The following IRF2BP2 variants were observed in gnomAD, a reference collection of about 807,000 sequenced individuals.
The protein encoded by IRF2BP2 is interferon regulatory factor 2 binding protein 2.
Under a neutral mutation model 32.7 loss-of-function variants are expected in IRF2BP2, and 13 were observed. The ratio of observed to expected loss-of-function variants is 0.40; its 90% CI spans 0.26 to 0.63. The LOEUF (loss-of-function observed/expected upper bound fraction) is 0.63, where lower values mean the gene tolerates loss of function less well. IRF2BP2 is among the 30% of genes least tolerant of loss of function. The pLI, the probability that IRF2BP2 is intolerant of heterozygous loss-of-function variation, is 0.42. For synonymous variants in IRF2BP2, 555 were observed against 384.6 expected (o/e 1.44, Z -5.18); for missense variants, 980 against 830.6 (o/e 1.18, Z -2.21).
In IRF2BP2 at chr1:234,608,504, G is replaced by A. The variant is rs8722; in HGVS notation, c.991C>T (p.Leu331=). Reference sequence around the variant, plus strand: ...AAACCCAACAACCTGCCTGCAGTCAGGGCCGGCTCCTTCTTAAACTTGCTC... The same window carrying A: ...AAACCCAACAACCTGCCTGCAGTCAAGGCCGGCTCCTTCTTAAACTTGCTC... ...FESKFKKEPA[L]TAGRLLGFEA... The change falls in exon 1 of 2, where the codon CTG becomes TTG. Residue 331 remains leucine (L), a synonymous_variant. Coordinates refer to ENST00000366609, the MANE Select transcript of IRF2BP2 (RefSeq NM_182972.3). 0.21 allele frequency: 340,548 copies of A among 1,608,560 alleles called. 38,839 individuals are homozygous for A. Among genetic ancestry groups the A allele is most frequent in the Non-Finnish European group, 0.23 (273,374 of 1,177,664 alleles).
Position 234,607,862 on chromosome 1 carries a change from C to T in IRF2BP2, c.1049-10G>A, listed in dbSNP as rs758647578. 3 of 1,539,470 alleles carry T rather than the reference C, an allele frequency of 1.9e-6. No individual in the cohort carries two copies. Among genetic ancestry groups the T allele is most frequent in the Admixed American group, 4.2e-5 (2 of 47,772 alleles). On this transcript the variant is annotated splice_polypyrimidine_tract_variant and intron_variant, in intron 1 of 1. Coordinates refer to ENST00000366609, the MANE Select transcript of IRF2BP2 (RefSeq NM_182972.3). Reference sequence around the variant, plus strand: ...CTTGCTGTTCTTGCAACTGGAAACACAAAGAAATAAAAGGAAAAAGGTAAC... The same window carrying T: ...CTTGCTGTTCTTGCAACTGGAAACATAAAGAAATAAAAGGAAAAAGGTAAC...
chr1:234,607,047 G>C lies in IRF2BP2; in HGVS notation c.*90C>G, dbSNP rs1442553526. The C allele has an allele frequency of 2.1e-6, 2 of 940,768 alleles. No individual in the cohort carries two copies. The highest frequency in any genetic ancestry group is 1.7e-5 in the African/African-American group (1 of 60,512). 58.3% of individuals were successfully genotyped at this position (940,768 alleles called of 1,614,324 possible). A position where few individuals can be genotyped will look rare whatever the true frequency, so the allele number is the denominator to read the frequency against. On this transcript the variant is annotated 3_prime_UTR_variant, in exon 2 of 2. Coordinates refer to ENST00000366609, the MANE Select transcript of IRF2BP2 (RefSeq NM_182972.3). ...TGTTTATGAAGTCTACATTTCCCTT[G>C]TCTTGGATATATATATATATGGAGA...
Position 234,609,420 on chromosome 1 carries a change from G to A in IRF2BP2, c.75C>T (p.Pro25=), listed in dbSNP as rs76362154. Residue 25 remains proline, a synonymous_variant, in exon 1 of 2, where the codon CCC becomes CCT. Transcript: ENST00000366609. Reference sequence around the variant, plus strand: ...CGGTGAAGTCCCAGATCATGGCCCAGGGCATGCGGGGCAGGTCACACAGGT... The same window carrying A: ...CGGTGAAGTCCCAGATCATGGCCCAAGGCATGCGGGGCAGGTCACACAGGT... ...SCYLCDLPRM[P]WAMIWDFTEP... 6,852 of 1,561,766 alleles carry A rather than the reference G, an allele frequency of 4.4e-3. 254 individuals carry two copies. The African/African-American group carries it at 0.084, about 19-fold the overall frequency.
Position 234,604,595 on chromosome 1 carries a change from A to G in IRF2BP2, c.*2542T>C, listed in dbSNP as rs1032641671. On this transcript the variant is annotated 3_prime_UTR_variant, in exon 2 of 2. Transcript: ENST00000366609. Reference sequence around the variant, plus strand: ...AATGTGAGGCCACATGAAAGACAGTACATCTGTTAAATTCTATAAATTGTT... The same window carrying G: ...AATGTGAGGCCACATGAAAGACAGTGCATCTGTTAAATTCTATAAATTGTT... The G allele has an allele frequency of 6.6e-6, 1 of 152,276 alleles. No individual in the cohort carries two copies. The highest frequency in any genetic ancestry group is 2.4e-5 in the African/African-American group (1 of 41,478). The allele number at this position is 152,276 out of a possible 1,614,324, so 9.4% of individuals were successfully genotyped here.
Position 234,609,315 on chromosome 1 carries a change from C to T in IRF2BP2, c.180G>A (p.Lys60=), listed in dbSNP as rs575703174. 9.9e-6 allele frequency: 15 copies of T among 1,509,290 alleles called. No individual in the cohort carries two copies. In the African/African-American group the frequency reaches 1.3e-4, roughly 13 times the overall value. 93.5% of individuals were successfully genotyped at this position (1,509,290 alleles called of 1,614,324 possible). A position where few individuals can be genotyped will look rare whatever the true frequency, so the allele number is the denominator to read the frequency against. Residue 60 remains lysine (K), a synonymous_variant, in exon 1 of 2, where the codon AAG becomes AAA. Transcript: ENST00000366609. ...EFVIETARQL[K]RAHGCFPEGR... ...CCTCCGGGAAGCAGCCGTGCGCCCGCTTGAGCTGCCGCGCCGTCTCGATGA... is the reference window on the plus strand; with the variant it reads ...CCTCCGGGAAGCAGCCGTGCGCCCGTTTGAGCTGCCGCGCCGTCTCGATGA...
chr1:234,607,817 C>T lies in IRF2BP2; in HGVS notation c.1084G>A (p.Glu362Lys). The change falls in exon 2 of 2, where the codon GAA (glutamate) becomes AAA (lysine). Residue 362 changes from glutamate (E) to lysine (K), a missense_variant. Coordinates refer to ENST00000366609, the MANE Select transcript of IRF2BP2 (RefSeq NM_182972.3). ...RTARKRKPSP[E>K]PEGEVGPPKI... ...GGGGGCCCGACTTCACCTTCTGGTT[C>T]TGGAGAGGGCTTCCTTTTCCTTGCT... 1.3e-6 allele frequency: 2 copies of T among 1,594,924 alleles called. No individual in the cohort carries two copies. Among genetic ancestry groups the T allele is most frequent in the Admixed American group, 1.8e-5 (1 of 56,738 alleles).
Position 234,606,353 on chromosome 1 carries a change from A to C in IRF2BP2, c.*784T>G, listed in dbSNP as rs1473801744. 1 of 152,178 alleles carries C rather than the reference A, an allele frequency of 6.6e-6. No homozygotes were observed. The highest frequency in any genetic ancestry group is 1.5e-5 in the Non-Finnish European group (1 of 68,040). The allele number at this position is 152,178 out of a possible 1,614,324, so 9.4% of individuals were successfully genotyped here. ...TCTTGTACACACCACCATCCATTAT[A>C]ACCGCCTTCCATCACTGGAATTGTA... On this transcript the variant is annotated 3_prime_UTR_variant, in exon 2 of 2. Coordinates refer to ENST00000366609, the MANE Select transcript of IRF2BP2 (RefSeq NM_182972.3).
Position 234,609,304 on chromosome 1 carries a change from C to T in IRF2BP2, c.191G>A (p.Gly64Asp). ...ETARQLKRAH[G>D]CFPEGRSPPG... is the part of the protein sequence containing the mutation. ...TGGGGAGCGACCCTCCGGGAAGCAG[C>T]CGTGCGCCCGCTTGAGCTGCCGCGC... Residue 64 changes from glycine (G) to aspartate (D), a missense_variant, in exon 1 of 2, where the codon GGC becomes GAC. Physicochemically the swap from Gly to Asp is moderately conservative, Grantham distance 94 (BLOSUM62 -1). Coordinates refer to ENST00000366609, the MANE Select transcript of IRF2BP2 (RefSeq NM_182972.3). 2.0e-6 allele frequency: 3 copies of T among 1,495,330 alleles called. No homozygotes were observed. The highest frequency in any genetic ancestry group is 2.7e-6 in the Non-Finnish European group (3 of 1,122,402). 92.6% of individuals were successfully genotyped at this position (1,495,330 alleles called of 1,614,324 possible).
In IRF2BP2 at chr1:234,608,717, G is replaced by T; in HGVS notation, c.778C>A (p.Gln260Lys). Residue 260 changes from glutamine (Q) to lysine (K), a missense_variant, in exon 1 of 2, where the codon CAA becomes AAA. Transcript: ENST00000366609. ...CCCCGGTGCGCAGGCGGCGGCGGTTGTTTCTCCTTGGCTGCCGCCTCACGC... is the reference window on the plus strand; with the variant it reads ...CCCCGGTGCGCAGGCGGCGGCGGTTTTTTCTCCTTGGCTGCCGCCTCACGC... ...EQREAAAKEK[Q>K]PPPPAHRGPA... 1 of 1,504,642 alleles carries T rather than the reference G, an allele frequency of 6.6e-7. No homozygotes were observed. The highest frequency in any genetic ancestry group is 8.8e-7 in the Non-Finnish European group (1 of 1,137,194). 93.2% of individuals were successfully genotyped at this position (1,504,642 alleles called of 1,614,324 possible).
rs1672264436 is a variant in IRF2BP2 at position 234,609,055 on chromosome 1, G to A, written c.440C>T (p.Thr147Met). 3.9e-6 allele frequency: 5 copies of A among 1,284,994 alleles called. No individual in the cohort carries two copies. The highest frequency in any genetic ancestry group is 4.9e-6 in the Non-Finnish European group (5 of 1,018,536). 79.6% of individuals were successfully genotyped at this position (1,284,994 alleles called of 1,614,324 possible). ...GCCGTTCACGGGCGGCGGCTGCGGCGTCGGCGGCTGGGCCAGGCTCGCTGC... is the reference window on the plus strand; with the variant it reads ...GCCGTTCACGGGCGGCGGCTGCGGCATCGGCGGCTGGGCCAGGCTCGCTGC... ...RPAASLAQPP[T>M]PQPPPVNGIL... Residue 147 changes from threonine to methionine, a missense_variant, in exon 1 of 2, where the codon ACG becomes ATG. Thr to Met is a moderately conservative substitution (Grantham distance 81). Coordinates refer to ENST00000366609, the MANE Select transcript of IRF2BP2 (RefSeq NM_182972.3).
In IRF2BP2 at chr1:234,608,738, C is replaced by G; in HGVS notation, c.757G>C (p.Glu253Gln). 6 of 1,499,354 alleles carry G rather than the reference C, an allele frequency of 4.0e-6. No individual in the cohort carries two copies. Among genetic ancestry groups the G allele is most frequent in the East Asian group, 2.8e-5 (1 of 36,208 alleles). 92.9% of individuals were successfully genotyped at this position (1,499,354 alleles called of 1,614,324 possible). Residue 253 changes from glutamate to glutamine, a missense_variant, in exon 1 of 2, where the codon GAG becomes CAG. Physicochemically the swap from Glu to Gln is conservative, Grantham distance 29. Transcript: ENST00000366609. Reference protein sequence around the residue: ...SSAAVEHEQREAAAKEKQPPP... With the variant: ...SSAAVEHEQRQAAAKEKQPPP... ...GGTTGTTTCTCCTTGGCTGCCGCCT[C>G]ACGCTGCTCGTGCTCCACGGCAGCG... is the stretch of plus-strand genomic sequence containing the variant.
At position 234,609,352 on chromosome 1, in the gene IRF2BP2, C is replaced by T; in HGVS notation, c.143G>A (p.Arg48His). ...RGCVNYEGAD[R>H]VEFVIETARQ... ...CGCCGTCTCGATGACGAACTCGACG[C>T]GGTCGGCGCCCTCGTAGTTGACGCA... The change falls in exon 1 of 2, where the codon CGC becomes CAC. Residue 48 changes from arginine (R) to histidine (H), a missense_variant. Transcript: ENST00000366609. 1 of 1,541,360 alleles carries T rather than the reference C, an allele frequency of 6.5e-7. No individual in the cohort carries two copies. The highest frequency in any genetic ancestry group is 8.7e-7 in the Non-Finnish European group (1 of 1,146,674).
chr1:234,607,992 C>CTAT, intron 1 of IRF2BP2, 140 bp from the exon 2 acceptor site: 1 of 679,834 alleles, frequency 1.5e-6, no homozygotes, highest in East Asian at 2.7e-5. Flanking sequence ...TACTCATATA[C>CTAT]GAGTTTCAGG....
In IRF2BP2 at chr1:234,610,041, G is replaced by A. The variant is rs1322255190; in HGVS notation, c.-547C>T. Among the ~76,000 whole-genome samples the A allele has an allele frequency of 1.4e-5, 2 of 146,674 alleles. No individual in the cohort carries two copies. The highest frequency in any genetic ancestry group is 4.9e-5 in the African/African-American group (2 of 40,816). ...GGCGTGGAGCTCGGGCGCGGCGCGG[G>A]CCCCGGGTCGCTCCGCCGCTCTCTC... On this transcript the variant is annotated 5_prime_UTR_variant, in exon 1 of 2. Transcript: ENST00000366609.
chr1:234,607,729 A>G lies in IRF2BP2; in HGVS notation c.1172T>C (p.Met391Thr). 1.2e-6 allele frequency: 2 copies of G among 1,614,174 alleles called. No homozygotes were observed. The highest frequency in any genetic ancestry group is 1.1e-5 in the South Asian group (1 of 91,090). Residue 391 changes from methionine (M) to threonine (T), a missense_variant, in exon 2 of 2, where the codon ATG becomes ACG. Coordinates refer to ENST00000366609, the MANE Select transcript of IRF2BP2 (RefSeq NM_182972.3). ...STSTEGLKIP[M>T]TPTSSFVSPP... The stretch of plus-strand genomic sequence containing the variant: ...AGACACAAAAGAGGATGTAGGAGTC[A>G]TGGGGATCTTGAGCCCCTCTGTGGA...
Position 234,607,513 on chromosome 1 carries a change from G to C in IRF2BP2, c.1388C>G (p.Ser463Cys). 1 of 1,614,116 alleles carries C rather than the reference G, an allele frequency of 6.2e-7. No homozygotes were observed. The highest frequency in any genetic ancestry group is 1.1e-5 in the South Asian group (1 of 91,086). ...RNSNSPPSPS[S>C]MNQRRLGPRE... ...GGGGCCCAGCCTTCTTTGGTTCATA[G>C]AGGACGGAGAGGGCGGACTGTTGCT... The change falls in exon 2 of 2, where the codon TCT becomes TGT. Residue 463 changes from serine to cysteine, a missense_variant. By Grantham distance (112) the Ser-to-Cys change is moderately radical. Transcript: ENST00000366609.
rs1672108500 is a variant in IRF2BP2 at position 234,604,322 on chromosome 1, G to C, written c.*2815C>G. Reference sequence around the variant, plus strand: ...AATGCTAAAAGTTAAAGAAAAAAAGGTACTGTAAATCTGACAAATGACAGA... The same window carrying C: ...AATGCTAAAAGTTAAAGAAAAAAAGCTACTGTAAATCTGACAAATGACAGA... On this transcript the variant is annotated 3_prime_UTR_variant, in exon 2 of 2. Coordinates refer to ENST00000366609, the MANE Select transcript of IRF2BP2 (RefSeq NM_182972.3). 6.6e-6 allele frequency: 1 copy of C among 152,078 alleles called. No individual in the cohort carries two copies. Among genetic ancestry groups the C allele is most frequent in the Non-Finnish European group, 1.5e-5 (1 of 68,016 alleles). 9.4% of individuals were successfully genotyped at this position (152,078 alleles called of 1,614,324 possible).
rs760943518 is a variant in IRF2BP2, at chr1:234,606,374, T to G, written c.*763A>C. ...TTATAACCGCCTTCCATCACTGGAA[T>G]TGTATCTTATGTAACCAACTAGCAT... On this transcript the variant is annotated 3_prime_UTR_variant, in exon 2 of 2. Coordinates refer to ENST00000366609, the MANE Select transcript of IRF2BP2 (RefSeq NM_182972.3). 1 of 152,122 alleles carries G rather than the reference T, an allele frequency of 6.6e-6. No homozygotes were observed. Among genetic ancestry groups the G allele is most frequent in the South Asian group, 2.1e-4 (1 of 4,834 alleles). 9.4% of individuals were successfully genotyped at this position (152,122 alleles called of 1,614,324 possible).
In IRF2BP2 at chr1:234,607,511, T is replaced by C. The variant is rs146614418; in HGVS notation, c.1390A>G (p.Met464Val). 14 of 1,614,024 alleles carry C rather than the reference T, an allele frequency of 8.7e-6. No homozygotes were observed. In the Middle Eastern group the frequency reaches 8.2e-4, roughly 95 times the overall value. Residue 464 changes from methionine (M) to valine (V), a missense_variant, in exon 2 of 2, where the codon ATG (methionine) becomes GTG (valine). Physicochemically the swap from Met to Val is conservative, Grantham distance 21. Coordinates refer to ENST00000366609, the MANE Select transcript of IRF2BP2 (RefSeq NM_182972.3). ...NSNSPPSPSS[M>V]NQRRLGPREV... is the part of the protein sequence containing the mutation. ...CTGGGGCCCAGCCTTCTTTGGTTCA[T>C]AGAGGACGGAGAGGGCGGACTGTTG... is the stretch of plus-strand genomic sequence containing the variant.
Sources: gnomAD v4.1 joint callset for allele counts (sites outside exome capture counted in the v4.1 genomes callset) on GRCh38, gnomAD v4.1.1 for gene constraint, MANE v1.5 for transcripts, NCBI Gene and HGNC (gene_info 2026-07-23, HGNC 2026-07-21) for gene names.